Variants in GPHN observed in about 807,000 individuals in gnomAD.
GPHN encodes gephyrin.
In GPHN, 17 loss-of-function variants were observed where a neutral mutation model predicts 95.5. The observed-to-expected ratio is 0.18, with a 90% CI of 0.12 to 0.27. GPHN has a LOEUF of 0.27. Ranked by LOEUF, GPHN falls within the 10% of genes least tolerant of loss-of-function variation. GPHN has a pLI of 1.00. For missense variants in GPHN, 660 were observed against 978.1 expected (o/e 0.67, Z 4.34); for synonymous variants, 320 against 322.5 (o/e 0.99, Z 0.08).
chr14:67,125,996 G>A (rs1055851985), intron 17 of GPHN, among the ~76,000 whole-genome samples: 6 of 151,960 alleles, frequency 3.9e-5, no homozygotes, highest in African/African-American at 1.2e-4. Flanking sequence ...GAAGTGAGTT[G>A]GACTAAATGG....
chr14:66,998,938 T>C (rs1409426298), intron 9 of GPHN, among the ~76,000 whole-genome samples: 1 of 150,582 alleles, frequency 6.6e-6, no homozygotes, highest in Non-Finnish European at 1.5e-5. Context: ...ATTATTTTAC[T>C]TGTGATAAGC....
intron 9 of GPHN, among the ~76,000 whole-genome samples, chr14:66,993,754 T>TA (rs1346874536): frequency 3.9e-5 from 6 of 152,212 alleles, no homozygotes; most frequent in Admixed American, 3.9e-4. Context: ...AAACTCTACT[T>TA]ACTTTAAGCA....
chr14:67,364,593 C>A, the GPHN span: 1 of 598,628 alleles, frequency 1.7e-6, no homozygotes, highest in Non-Finnish European at 2.7e-6. Flanking sequence ...AGCTTGGTTC[C>A]TGAACATTAT....
chr14:67,140,902 A>G (rs2080415510), intron 17 of GPHN, among the ~76,000 whole-genome samples: 2 of 152,222 alleles, frequency 1.3e-5, no homozygotes, highest in Non-Finnish European at 1.5e-5. Flanking sequence ...TAGGTCAAAA[A>G]TACGTTAAGT....
chr14:67,581,053 A>G, the GPHN span: 2 of 1,546,738 alleles, frequency 1.3e-6, no homozygotes, highest in Non-Finnish European at 1.8e-6. Flanking sequence ...TAAGCACTGC[A>G]CGAGGGTGGG....
At chr14:66,740,435 C>G (rs1381635115) in intron 2 of GPHN, among the ~76,000 whole-genome samples, 1 of 151,392 alleles carries the variant, frequency 6.6e-6, no homozygotes, top group East Asian at 1.9e-4. Context: ...GAAAGAATAT[C>G]TTATTTAATA....
At chr14:67,658,204 A>AAG in the GPHN span, among the ~76,000 whole-genome samples, 3 of 149,216 alleles carry the variant, frequency 2.0e-5, no homozygotes, top group East Asian at 6.3e-4. Context: ...TAGGCTAAAA[A>AAG]ATGACTAAGA....
At chr14:67,043,059 G>C (rs2074797415) in intron 10 of GPHN, among the ~76,000 whole-genome samples, 1 of 152,172 alleles carries the variant, frequency 6.6e-6, no homozygotes, top group African/African-American at 2.4e-5. Flanking sequence ...TAGAATGCTT[G>C]TGATTTTTGC....
the GPHN span, chr14:67,349,116 G>C: frequency 1.5e-4 from 240 of 1,612,838 alleles, no homozygotes; most frequent in East Asian, 4.3e-3. Flanking sequence ...TGCAGAAAAA[G>C]AGAAAGACTT....
intron 20 of GPHN, among the ~76,000 whole-genome samples, chr14:67,167,220 A>G (rs1050841247): frequency 2.0e-5 from 3 of 152,218 alleles, no homozygotes; most frequent in African/African-American, 7.2e-5. Context: ...CAAGTTTTTT[A>G]TATCAGTCCT....
At chr14:67,724,568 C>T in the GPHN span, 44 of 1,613,550 alleles carry the variant, frequency 2.7e-5, no homozygotes, top group East Asian at 6.7e-5. Flanking sequence ...GGCAAGGAGA[C>T]GGCCAGAGAG....
the GPHN span, among the ~76,000 whole-genome samples, chr14:67,706,476 CA>C: frequency 6.6e-6 from 1 of 152,290 alleles, no homozygotes; most frequent in South Asian, 2.1e-4. Flanking sequence ...CACGGGACAT[CA>C]ATCAACATAT....
At chr14:66,702,924 A>G (rs186587776) in intron 2 of GPHN, among the ~76,000 whole-genome samples, 25 of 152,298 alleles carry the variant, frequency 1.6e-4, no homozygotes, top group African/African-American at 6.0e-4. Context: ...TGCCAACTAG[A>G]ATAACCAATT....
rs113286886 is a variant in GPHN at position 66,572,104 on chromosome 14, A to C, written c.64+63513A>C. Among the ~76,000 whole-genome samples, 3 of 152,064 alleles carry C rather than the reference A, an allele frequency of 2.0e-5. No homozygotes were observed. The South Asian group carries it at 6.2e-4, about 32-fold the overall frequency. On this transcript the variant is annotated intron_variant, in intron 1 of 22. Transcript: ENST00000478722. ...TTATTTCTGGTCTCTCTTCTATTCT[A>C]TTTGTCTATGTGCCTGTTTTTGTGC...
At chr14:67,378,252 G>A in the GPHN span, among the ~76,000 whole-genome samples, 1 of 149,482 alleles carries the variant, frequency 6.7e-6, no homozygotes, top group African/African-American at 2.5e-5. Flanking sequence ...AGACCATTAA[G>A]AGTCCCCCAG....
the GPHN span, among the ~76,000 whole-genome samples, chr14:67,425,068 T>G: frequency 0.15 from 23,219 of 152,072 alleles, 1,847 homozygotes; most frequent in East Asian, 0.21. Flanking sequence ...GAATGAAAAT[T>G]TTTTGTTTGT....
intron 18 of GPHN, among the ~76,000 whole-genome samples, chr14:67,152,110 TACTC>T (rs1421343633): frequency 6.6e-6 from 1 of 152,210 alleles, no homozygotes; most frequent in African/African-American, 2.4e-5. Flanking sequence ...TTTCTTGGCT[TACTC>T]ACTGTACCTC....
At chr14:67,269,384 C>T in the GPHN span, among the ~76,000 whole-genome samples, 1 of 151,832 alleles carries the variant, frequency 6.6e-6, no homozygotes, top group African/African-American at 2.4e-5. Flanking sequence ...TTGATTTATA[C>T]CTAGGAGTAG....
intron 1 of GPHN, among the ~76,000 whole-genome samples, chr14:66,545,566 C>T (rs1335258555): frequency 9.3e-6 from 1 of 107,580 alleles, no homozygotes; most frequent in Non-Finnish European, 1.6e-5. Flanking sequence ...GGGGCTGACC[C>T]CCCCACCTCC....
Sources: gnomAD v4.1 joint callset for allele counts (sites outside exome capture counted in the v4.1 genomes callset) on GRCh38, gnomAD v4.1.1 for gene constraint, MANE v1.5 for transcripts, NCBI Gene and HGNC (gene_info 2026-07-23, HGNC 2026-07-21) for gene names.